The following SNTB1 variants were observed in gnomAD, a reference collection of about 807,000 sequenced individuals.
SNTB1 encodes the protein syntrophin beta 1, also known as beta-1-syntrophin.
SNTB1 carries 36 observed loss-of-function variants against 48.9 expected under a neutral mutation model. The ratio of observed to expected loss-of-function variants is 0.74; its 90% CI spans 0.56 to 0.97. SNTB1 has a LOEUF of 0.97. SNTB1 is among the 50% of genes least tolerant of loss of function. The pLI, the probability that SNTB1 is intolerant of heterozygous loss-of-function variation, is 0.00. For synonymous variants in SNTB1, 299 were observed against 294.6 expected (o/e 1.01, Z -0.15); for missense variants, 786 against 703.4 (o/e 1.12, Z -1.33).
At position 120,579,184 on chromosome 8, in the gene SNTB1, A is replaced by G. The variant is rs548995964; in HGVS notation, c.997-3959T>C. ...AGAGCGAGACTCTGTCTCAAAACAA[A>G]CAAACAAACAAACAAACAAACAAAC... On this transcript the variant is annotated intron_variant, in intron 3 of 6. Transcript: ENST00000517992. Among the ~76,000 whole-genome samples, 178 of 57,240 alleles carry G rather than the reference A, an allele frequency of 3.1e-3. 2 individuals carry two copies. The highest frequency in any genetic ancestry group is 3.5e-3 in the Non-Finnish European group (115 of 33,088). The allele number at this position is 57,240 out of a possible 152,430, so 37.6% of individuals were successfully genotyped here.
intron 2 of SNTB1, among the ~76,000 whole-genome samples, chr8:120,641,094 C>A (rs1032049432): frequency 4.6e-5 from 7 of 151,270 alleles, no homozygotes; most frequent in Non-Finnish European, 4.4e-5. Context: ...TAATTACAAT[C>A]AACTGTCAAT....
intron 2 of SNTB1, among the ~76,000 whole-genome samples, chr8:120,645,039 G>A (rs1193879079): frequency 6.8e-6 from 1 of 148,114 alleles, no homozygotes; most frequent in East Asian, 2.0e-4. Context: ...ATTTGTTTGA[G>A]TTCATTGTAG....
chr8:120,618,810 T>C (rs931866628), intron 3 of SNTB1, among the ~76,000 whole-genome samples: 14 of 152,158 alleles, frequency 9.2e-5, no homozygotes, highest in African/African-American at 3.1e-4. Flanking sequence ...GGAGAAACAA[T>C]ATGGTAAAAG....
At chr8:120,666,291 G>T (rs900064835) in intron 2 of SNTB1, among the ~76,000 whole-genome samples, 1 of 152,146 alleles carries the variant, frequency 6.6e-6, no homozygotes, top group Non-Finnish European at 1.5e-5. Context: ...TTGAGCATTT[G>T]TATGTCTGAG....
intron 3 of SNTB1, among the ~76,000 whole-genome samples, chr8:120,608,306 C>T (rs1816558839): frequency 2.0e-5 from 3 of 152,176 alleles, no homozygotes; most frequent in Non-Finnish European, 2.9e-5. Context: ...GTGAAATTGT[C>T]GCTCCCCACC....
intron 1 of SNTB1, among the ~76,000 whole-genome samples, chr8:120,694,741 A>G (rs1443352771): frequency 2.0e-5 from 3 of 152,020 alleles, no homozygotes; most frequent in African/African-American, 7.2e-5. Context: ...GCCTACAATT[A>G]TTTCTGGGTA....
chr8:120,811,222 C>T, intron 1 of SNTB1, 51 bp downstream of exon 1: 2 of 1,527,878 alleles, frequency 1.3e-6, no homozygotes, highest in East Asian at 4.5e-5. Context: ...GGTGGGAAGC[C>T]GAGCAGGTGT....
rs548426750 is a variant in SNTB1, at chr8:120,590,885, C to G, written c.997-15660G>C. Among the ~76,000 whole-genome samples, 239 of 152,080 alleles carry G rather than the reference C, an allele frequency of 1.6e-3. 2 individuals carry two copies. The highest frequency in any genetic ancestry group is 5.5e-3 in the African/African-American group (229 of 41,502). On this transcript the variant is annotated intron_variant, in intron 3 of 6. Transcript: ENST00000517992. ...TATTTTTAGTAGAGACGGGGTTTCA[C>G]CATGTTGGCCAGGCTGGTCTTGAAC...
At chr8:120,579,517 G>T (rs949796686) in intron 3 of SNTB1, among the ~76,000 whole-genome samples, 2 of 152,056 alleles carry the variant, frequency 1.3e-5, no homozygotes, top group African/African-American at 4.8e-5. Context: ...GTCTCTACTA[G>T]AAATACAAAA....
At chr8:120,687,088 AG>A (rs1375185953) in intron 2 of SNTB1, among the ~76,000 whole-genome samples, 1 of 152,212 alleles carries the variant, frequency 6.6e-6, no homozygotes, top group Non-Finnish European at 1.5e-5. Context: ...TAGTATTCAA[AG>A]TTTAATAAAT....
chr8:120,634,091 C>G (rs1453842784), intron 2 of SNTB1, among the ~76,000 whole-genome samples: 5 of 152,100 alleles, frequency 3.3e-5, no homozygotes, highest in African/African-American at 1.2e-4. Flanking sequence ...CCCTAGGCAA[C>G]AACTAACCTG....
At chr8:120,633,836 C>G (rs1052362143) in intron 2 of SNTB1, among the ~76,000 whole-genome samples, 1 of 152,114 alleles carries the variant, frequency 6.6e-6, no homozygotes, top group Non-Finnish European at 1.5e-5. Context: ...CTGGGATGCC[C>G]TTCACCAGTT....
rs1340414731 is a variant in SNTB1 at position 120,537,250 on chromosome 8, C to T, written c.*1627G>A. On this transcript the variant is annotated 3_prime_UTR_variant, in exon 7 of 7. Transcript: ENST00000517992. ...TGAGGAATGGTTCACCGGATTTCGC[C>T]TTGAAGAACCACAATGAACTTTAAA... is the stretch of plus-strand genomic sequence containing the variant. 6.6e-6 allele frequency: 1 copy of T among 151,948 alleles called. No individual in the cohort carries two copies. The highest frequency in any genetic ancestry group is 1.9e-4 in the East Asian group (1 of 5,188). 9.4% of individuals were successfully genotyped at this position (151,948 alleles called of 1,614,324 possible).
At chr8:120,561,527 T>A (rs913201003) in intron 4 of SNTB1, among the ~76,000 whole-genome samples, 91 of 152,108 alleles carry the variant, frequency 6.0e-4, no homozygotes, top group Admixed American at 3.8e-3. Context: ...AACTTTTTTT[T>A]AATTATTTAG....
At chr8:120,734,483 C>G (rs149578157) in intron 1 of SNTB1, among the ~76,000 whole-genome samples, 1 of 151,502 alleles carries the variant, frequency 6.6e-6, no homozygotes, top group African/African-American at 2.4e-5. Flanking sequence ...AAAATTGTCA[C>G]GAAAGCTAAC....
intron 2 of SNTB1, chr8:120,638,208 G>A (rs1348919394): frequency 6.6e-6 from 1 of 152,076 alleles, no homozygotes; most frequent in African/African-American, 2.4e-5. Flanking sequence ...CAATAAGAAA[G>A]GTTGGATTTT....
At chr8:120,757,065 T>C (rs76399672) in intron 1 of SNTB1, among the ~76,000 whole-genome samples, 5,188 of 152,266 alleles carry the variant, frequency 0.034, 315 homozygotes, top group African/African-American at 0.12. Context: ...AGTTACTGTT[T>C]ATTGTACATC....
At chr8:120,652,468 C>T (rs756171007) in intron 2 of SNTB1, among the ~76,000 whole-genome samples, 1 of 151,716 alleles carries the variant, frequency 6.6e-6, no homozygotes, top group African/African-American at 2.4e-5. Flanking sequence ...GATGGAATCA[C>T]GGATCTGTGA....
intron 1 of SNTB1, among the ~76,000 whole-genome samples, chr8:120,712,347 G>A (rs113332072): frequency 6.5e-4 from 94 of 145,726 alleles, no homozygotes; most frequent in Non-Finnish European, 4.3e-4. Flanking sequence ...CCTGGGAGGC[G>A]CAGCTTGCAG....
Sources: gnomAD v4.1 joint callset for allele counts (sites outside exome capture counted in the v4.1 genomes callset) on GRCh38, gnomAD v4.1.1 for gene constraint, MANE v1.5 for transcripts, NCBI Gene and HGNC (gene_info 2026-07-23, HGNC 2026-07-21) for gene names.